The following MAP4K3 variants were observed in gnomAD, a reference collection of about 807,000 sequenced individuals.
MAP4K3 encodes the protein mitogen-activated protein kinase kinase kinase kinase 3.
A neutral mutation model predicts 143.5 loss-of-function variants in MAP4K3; 94 were observed. The ratio of observed to expected loss-of-function variants is 0.65; its 90% CI spans 0.55 to 0.78. The LOEUF is 0.78. MAP4K3 is among the 30% of genes least tolerant of loss of function. MAP4K3 has a pLI of 0.00. For missense variants in MAP4K3, 1,077 were observed against 1,068.1 expected, an observed-to-expected ratio of 1.01 and a Z score of -0.12; for synonymous variants, 416 against 347.2, an observed-to-expected ratio of 1.20 and a Z score of -2.20.
chr2:39,432,193 CTCA>C (rs1665311781), intron 1 of MAP4K3, among the ~76,000 whole-genome samples: 1 of 152,178 alleles, frequency 6.6e-6, no homozygotes, highest in African/African-American at 2.4e-5. Context: ...TCAATGTACT[CTCA>C]TGAGAGAACT....
chr2:39,378,151 T>A, intron 1 of MAP4K3, 28 bp from the exon 2 acceptor site: 1 of 1,341,172 alleles, frequency 7.5e-7, no homozygotes, highest in Non-Finnish European at 1.0e-6. Flanking sequence ...AAAGGATTAT[T>A]GTGAAGAAAG....
intron 4 of MAP4K3, among the ~76,000 whole-genome samples, chr2:39,339,314 G>T (rs1447749210): frequency 6.6e-6 from 1 of 152,120 alleles, no homozygotes; most frequent in Admixed American, 6.5e-5. Flanking sequence ...ACCTCCTTGA[G>T]ATTTCTGTTT....
chr2:39,388,755 G>C (rs1666576726), intron 1 of MAP4K3, among the ~76,000 whole-genome samples: 1 of 152,154 alleles, frequency 6.6e-6, no homozygotes, highest in Non-Finnish European at 1.5e-5. Flanking sequence ...CACTGATTTT[G>C]AGGGCCAGGA....
At chr2:39,326,941 G>A (rs1683511566) in intron 8 of MAP4K3, among the ~76,000 whole-genome samples, 2 of 152,080 alleles carry the variant, frequency 1.3e-5, no homozygotes, top group Non-Finnish European at 2.9e-5. Context: ...ACAATACTGT[G>A]AGTCAATCAA....
intron 2 of MAP4K3, among the ~76,000 whole-genome samples, chr2:39,359,747 G>A (rs575384015): frequency 3.9e-5 from 6 of 152,356 alleles, no homozygotes; most frequent in South Asian, 4.1e-4. Context: ...CGTGGAAGCT[G>A]CCAGGCTTGG....
At chr2:39,286,110 G>A (rs1681764637) in intron 21 of MAP4K3, among the ~76,000 whole-genome samples, 1 of 152,164 alleles carries the variant, frequency 6.6e-6, no homozygotes, top group African/African-American at 2.4e-5. Context: ...TGGTTTCGTG[G>A]AAGACAATTT....
chr2:39,434,781 T>G (rs1665401598), intron 1 of MAP4K3, among the ~76,000 whole-genome samples: 1 of 152,248 alleles, frequency 6.6e-6, no homozygotes, highest in African/African-American at 2.4e-5. Flanking sequence ...CAATAGCACC[T>G]ATCTCACAGG....
intron 3 of MAP4K3, among the ~76,000 whole-genome samples, chr2:39,351,605 A>G (rs1665460546): frequency 6.6e-6 from 1 of 152,192 alleles, no homozygotes; most frequent in Non-Finnish European, 1.5e-5. Context: ...TGATTTACTT[A>G]TTTAAGTTGT....
intron 1 of MAP4K3, among the ~76,000 whole-genome samples, chr2:39,401,375 T>C (rs571512045): frequency 6.6e-6 from 1 of 152,282 alleles, no homozygotes; most frequent in African/African-American, 2.4e-5. Context: ...CATGCTCTCA[T>C]CGGCCAGACT....
chr2:39,286,117 A>C (rs1380375085), intron 21 of MAP4K3, among the ~76,000 whole-genome samples: 1 of 152,064 alleles, frequency 6.6e-6, no homozygotes, highest in East Asian at 1.9e-4. Context: ...GTGGAAGACA[A>C]TTTTTCCACA....
At chr2:39,406,260 C>G (rs1011887608) in intron 1 of MAP4K3, among the ~76,000 whole-genome samples, 1 of 151,984 alleles carries the variant, frequency 6.6e-6, no homozygotes, top group African/African-American at 2.4e-5. Context: ...AAGGACAAAT[C>G]CAAGACTTAT....
At chr2:39,316,058 T>A (rs900464366) in intron 12 of MAP4K3, among the ~76,000 whole-genome samples, 2 of 152,114 alleles carry the variant, frequency 1.3e-5, no homozygotes, top group East Asian at 3.8e-4. Flanking sequence ...TTATTTTTTT[T>A]AATTAAAAAA....
chr2:39,362,710 A>C (rs961432856), intron 2 of MAP4K3, among the ~76,000 whole-genome samples: 2 of 152,210 alleles, frequency 1.3e-5, no homozygotes, highest in African/African-American at 4.8e-5. Flanking sequence ...TAAAATTTAG[A>C]TAGAACCACA....
rs561571453 is a variant in MAP4K3 at position 39,311,531 on chromosome 2, G to T, written c.998-2012C>A. ...TCAGCGTTGGCTGATGTGACCAAAA[G>T]ACCAGAGCAGAAGTTAACTGTATAT... On this transcript the variant is annotated intron_variant, in intron 13 of 33. Transcript: ENST00000263881. Among the ~76,000 whole-genome samples the T allele has an allele frequency of 5.1e-4, 78 of 152,310 alleles. No individual in the cohort carries two copies. The Middle Eastern group carries it at 0.01, about 20-fold the overall frequency.
intron 1 of MAP4K3, among the ~76,000 whole-genome samples, chr2:39,391,741 T>C (rs1258231104): frequency 1.3e-5 from 2 of 152,114 alleles, no homozygotes; most frequent in Non-Finnish European, 2.9e-5. Flanking sequence ...GAAGGCAGAA[T>C]GAGCATTGAT....
At chr2:39,427,934 T>A (rs1665146610) in intron 1 of MAP4K3, among the ~76,000 whole-genome samples, 1 of 152,208 alleles carries the variant, frequency 6.6e-6, no homozygotes, top group South Asian at 2.1e-4. Context: ...CCCACTTAGG[T>A]TCTACAGCAG....
chr2:39,322,490 C>T (rs1683340239), intron 12 of MAP4K3, among the ~76,000 whole-genome samples: 1 of 151,830 alleles, frequency 6.6e-6, no homozygotes, highest in Admixed American at 6.6e-5. Flanking sequence ...TGTGTAATTA[C>T]TTCTAAAATA....
intron 24 of MAP4K3, among the ~76,000 whole-genome samples, chr2:39,275,421 G>A (rs1681207824): frequency 6.6e-6 from 1 of 152,160 alleles, no homozygotes; most frequent in Non-Finnish European, 1.5e-5. Context: ...GGTCAAGGCT[G>A]CAGTGAGCTG....
intron 1 of MAP4K3, among the ~76,000 whole-genome samples, chr2:39,390,666 G>A (rs1666627122): frequency 2.6e-5 from 4 of 152,032 alleles, no homozygotes; most frequent in Admixed American, 2.6e-4. Flanking sequence ...AGAAATTCAT[G>A]TACGTATATC....
Sources: gnomAD v4.1 joint callset for allele counts (sites outside exome capture counted in the v4.1 genomes callset) on GRCh38, gnomAD v4.1.1 for gene constraint, MANE v1.5 for transcripts, NCBI Gene and HGNC (gene_info 2026-07-23, HGNC 2026-07-21) for gene names.